Variants in ATRNL1 observed in about 807,000 individuals in gnomAD.
The protein encoded by ATRNL1 is attractin like 1.
A neutral mutation model predicts 182.7 loss-of-function variants in ATRNL1; 95 were observed. The observed-to-expected ratio is 0.52, with a 90% CI of 0.44 to 0.62. The LOEUF (loss-of-function observed/expected upper bound fraction) is 0.62, where lower values mean the gene tolerates loss of function less well. ATRNL1 is among the 20% of genes least tolerant of loss of function. The pLI, the probability that ATRNL1 is intolerant of heterozygous loss-of-function variation, is 0.00. For missense variants in ATRNL1, 1,471 were observed against 1,679.5 expected, an observed-to-expected ratio of 0.88 and a Z score of 2.17; for synonymous variants, 576 against 568.3, an observed-to-expected ratio of 1.01 and a Z score of -0.19.
chr10:115,189,756 A>T (rs1319145332), intron 8 of ATRNL1, among the ~76,000 whole-genome samples: 5 of 152,110 alleles, frequency 3.3e-5, no homozygotes, highest in African/African-American at 1.2e-4. Context: ...AAAATATTTT[A>T]AAAAATTTAG....
intron 13 of ATRNL1, among the ~76,000 whole-genome samples, chr10:115,278,660 T>C (rs1292195822): frequency 6.6e-6 from 1 of 152,232 alleles, no homozygotes; most frequent in Non-Finnish European, 1.5e-5. Flanking sequence ...TTACATACTA[T>C]ATCAGGCCAA....
At chr10:115,868,675 G>A (rs1951496264) in intron 28 of ATRNL1, among the ~76,000 whole-genome samples, 1 of 152,066 alleles carries the variant, frequency 6.6e-6, no homozygotes, top group African/African-American at 2.4e-5. Context: ...GAACCAGCAT[G>A]TGACCTCAGG....
chr10:115,480,021 T>A (rs900079679), intron 24 of ATRNL1, among the ~76,000 whole-genome samples: 3 of 151,400 alleles, frequency 2.0e-5, no homozygotes, highest in African/African-American at 7.3e-5. Context: ...GATTTTTTAA[T>A]GAGAATGATG....
At chr10:115,879,771 G>A (rs562282648) in intron 28 of ATRNL1, among the ~76,000 whole-genome samples, 4 of 152,196 alleles carry the variant, frequency 2.6e-5, no homozygotes, top group African/African-American at 9.7e-5. Context: ...ACTGTGGTTC[G>A]AGTGGCTGCA....
At chr10:115,380,433 C>T (rs1338004455) in intron 19 of ATRNL1, among the ~76,000 whole-genome samples, 1 of 152,112 alleles carries the variant, frequency 6.6e-6, no homozygotes, top group African/African-American at 2.4e-5. Context: ...TTCACCGGGT[C>T]ATGCAAACAT....
At position 115,486,877 on chromosome 10, in the gene ATRNL1, C is replaced by T. The variant is rs577794720; in HGVS notation, c.3654+17548C>T. On this transcript the variant is annotated intron_variant, in intron 24 of 28. Coordinates refer to ENST00000355044, the MANE Select transcript of ATRNL1 (RefSeq NM_207303.4). ...AGGGTTTTTATGGTTTTAGGTCTTA[C>T]ATTTAAGTCTTTAATCTACCTTTAG... Among the ~76,000 whole-genome samples, 4 of 152,224 alleles carry T rather than the reference C, an allele frequency of 2.6e-5. No individual in the cohort carries two copies. The South Asian group carries it at 8.3e-4, about 32-fold the overall frequency.
chr10:115,484,679 A>G (rs943338622), intron 24 of ATRNL1, among the ~76,000 whole-genome samples: 3 of 151,768 alleles, frequency 2.0e-5, no homozygotes, highest in Non-Finnish European at 4.4e-5. Context: ...TACACTTAAT[A>G]TTTGAATATA....
At chr10:115,112,610 A>T (rs782751972) in intron 1 of ATRNL1, among the ~76,000 whole-genome samples, 42 of 152,186 alleles carry the variant, frequency 2.8e-4, no homozygotes, top group Middle Eastern at 3.2e-3. Flanking sequence ...CTTGGGTGGA[A>T]GAAGGTGAAA....
intron 26 of ATRNL1, among the ~76,000 whole-genome samples, chr10:115,638,757 T>C (rs566806663): frequency 2.0e-5 from 3 of 152,220 alleles, no homozygotes; most frequent in African/African-American, 7.2e-5. Flanking sequence ...AAAGATTCAG[T>C]AAGAGAAATA....
At chr10:115,588,106 A>G (rs1444532382) in intron 26 of ATRNL1, among the ~76,000 whole-genome samples, 1 of 152,140 alleles carries the variant, frequency 6.6e-6, no homozygotes, top group Admixed American at 6.5e-5. Context: ...CACCCCTAAA[A>G]CATGAAGAGA....
intron 21 of ATRNL1, among the ~76,000 whole-genome samples, chr10:115,436,427 C>G (rs1846408534): frequency 1.3e-5 from 2 of 152,000 alleles, no homozygotes; most frequent in Non-Finnish European, 2.9e-5. Flanking sequence ...TATCTTAGGT[C>G]ATACAATTAG....
intron 10 of ATRNL1, among the ~76,000 whole-genome samples, chr10:115,264,583 A>G (rs1851527999): frequency 6.6e-6 from 1 of 151,418 alleles, no homozygotes; most frequent in Non-Finnish European, 1.5e-5. Context: ...AATAATACAC[A>G]TTTTTCTTAA....
At chr10:115,754,622 T>C (rs926871734) in intron 27 of ATRNL1, among the ~76,000 whole-genome samples, 1 of 152,188 alleles carries the variant, frequency 6.6e-6, no homozygotes, top group Non-Finnish European at 1.5e-5. Flanking sequence ...AGCTTTGTTC[T>C]TTTTGACTAG....
At chr10:115,669,783 T>A (rs1945638655) in intron 26 of ATRNL1, among the ~76,000 whole-genome samples, 1 of 152,144 alleles carries the variant, frequency 6.6e-6, no homozygotes, top group African/African-American at 2.4e-5. Flanking sequence ...ACAACTTTGG[T>A]CAAATTTCAG....
At chr10:115,148,195 T>C (rs12779941) in intron 5 of ATRNL1, among the ~76,000 whole-genome samples, 43,970 of 152,116 alleles carry the variant, frequency 0.29, 8,160 homozygotes, top group Middle Eastern at 0.44. Context: ...CTAGGTATTT[T>C]ATTTTTTTTG....
At chr10:115,513,543 A>G (rs1438301282) in intron 24 of ATRNL1, among the ~76,000 whole-genome samples, 3 of 151,954 alleles carry the variant, frequency 2.0e-5, no homozygotes, top group South Asian at 2.1e-4. Flanking sequence ...AATATAATAG[A>G]TACTTAGTGA....
At chr10:115,797,489 C>T (rs1368941458) in intron 27 of ATRNL1, among the ~76,000 whole-genome samples, 1 of 152,124 alleles carries the variant, frequency 6.6e-6, no homozygotes, top group African/African-American at 2.4e-5. Context: ...AGCCCACCAA[C>T]TGCAAGGCTT....
chr10:115,794,316 C>T (rs1419476809), intron 27 of ATRNL1, among the ~76,000 whole-genome samples: 1 of 152,088 alleles, frequency 6.6e-6, no homozygotes, highest in Admixed American at 6.6e-5. Context: ...TGATGTATAT[C>T]TCCTAAAAAA....
At chr10:115,346,655 T>C (rs1175478041) in intron 19 of ATRNL1, among the ~76,000 whole-genome samples, 1 of 152,202 alleles carries the variant, frequency 6.6e-6, no homozygotes, top group Non-Finnish European at 1.5e-5. Flanking sequence ...TTGTGTCTTT[T>C]CATATGCTTT....
Sources: allele counts gnomAD v4.1 joint callset (sites outside exome capture counted in the v4.1 genomes callset), GRCh38; gene constraint gnomAD v4.1.1; transcripts MANE v1.5; gene names NCBI Gene and HGNC (gene_info 2026-07-23, HGNC 2026-07-21).